Variants in PRPH2 observed in about 807,000 individuals in gnomAD.
PRPH2 encodes the protein peripherin 2.
PRPH2 carries 17 observed loss-of-function variants against 31.3 expected under a neutral mutation model. The ratio of observed to expected loss-of-function variants is 0.54; its 90% CI spans 0.37 to 0.81. The LOEUF (loss-of-function observed/expected upper bound fraction) is 0.81. Ranked by LOEUF, PRPH2 falls within the 40% of genes least tolerant of loss-of-function variation. The probability of loss-of-function intolerance (pLI) is 0.00; values close to 1 mark genes in which losing one functional copy is unlikely to be tolerated. For missense variants in PRPH2, 430 were observed against 439.7 expected, an observed-to-expected ratio of 0.98 and a Z score of 0.20; for synonymous variants, 165 against 184.4, an observed-to-expected ratio of 0.89 and a Z score of 0.85.
chr6:42,714,206 T>A (rs919633301), intron 1 of PRPH2, among the ~76,000 whole-genome samples: 2 of 152,288 alleles, frequency 1.3e-5, no homozygotes. Context: ...CATGGATTAA[T>A]TTTGAAAACA....
intron 1 of PRPH2, among the ~76,000 whole-genome samples, chr6:42,720,401 A>G (rs1761878235): frequency 6.6e-6 from 1 of 151,978 alleles, no homozygotes; most frequent in Admixed American, 6.6e-5. Context: ...CCCTGGCTTC[A>G]TGCCCTCCTC....
chr6:42,706,850 G>C (rs1311331176), intron 1 of PRPH2, among the ~76,000 whole-genome samples: 1 of 152,020 alleles, frequency 6.6e-6, no homozygotes. Flanking sequence ...CCAGAGAGAG[G>C]CTTCATGCAT....
In PRPH2 at chr6:42,698,464, T is replaced by C; in HGVS notation, c.872A>G (p.Asp291Gly). 2 of 1,614,170 alleles carry C rather than the reference T, an allele frequency of 1.2e-6. No homozygotes were observed. The highest frequency in any genetic ancestry group is 8.5e-7 in the Non-Finnish European group (1 of 1,180,022). Residue 291 changes from aspartate (D) to glycine (G), a missense_variant, in exon 3 of 3, where the codon GAT becomes GGT. By Grantham distance (94) the Asp-to-Gly change is moderately conservative. Coordinates refer to ENST00000230381, the MANE Select transcript of PRPH2 (RefSeq NM_000322.5). ...IGLRYLQTSLDGVSNPEESES... is the reference protein window; with the variant it reads ...IGLRYLQTSLGGVSNPEESES... The stretch of plus-strand genomic sequence containing the variant: ...AGATTCCTCGGGGTTGGACACACCA[T>C]CCAGCGACGTCTGTAGGTAGCGCAG...
At chr6:42,707,223 G>A (rs886544705) in intron 1 of PRPH2, among the ~76,000 whole-genome samples, 11 of 152,082 alleles carry the variant, frequency 7.2e-5, no homozygotes, top group African/African-American at 2.4e-4. Context: ...ATCTGTCTGT[G>A]GAGTGTCCTG....
At chr6:42,698,769 T>C (rs975693124) in intron 2 of PRPH2, among the ~76,000 whole-genome samples, 46 of 152,076 alleles carry the variant, frequency 3.0e-4, no homozygotes, top group African/African-American at 1.1e-3. Flanking sequence ...CCATGCCCCC[T>C]ACTTTCTCCC....
Position 42,722,054 on chromosome 6 carries a change from C to T in PRPH2, c.281G>A (p.Trp94Ter), listed in dbSNP as rs2152011008. Residue 94 changes from tryptophan to a stop codon, truncating the protein, a stop_gained, in exon 1 of 3, where the codon TGG (tryptophan) becomes TAG (stop). Transcript: ENST00000230381. LOFTEE classifies it high-confidence loss of function. This position sits in a 1 kb window ranked among gnomAD's most constrained non-coding sequence, Gnocchi z 4.4. Reference protein sequence around the residue: ...DALDPAKYARWKPWLKPYLAI... With the variant: ...DALDPAKYAR ...CAGGTACGGCTTCAGCCAGGGCTTCCATCTGGCATACTTGGCTGGGTCCAG... is the reference window on the plus strand; with the variant it reads ...CAGGTACGGCTTCAGCCAGGGCTTCTATCTGGCATACTTGGCTGGGTCCAG... The T allele has an allele frequency of 6.2e-7, 1 of 1,614,182 alleles. No individual in the cohort carries two copies. Among genetic ancestry groups the T allele is most frequent in the Non-Finnish European group, 8.5e-7 (1 of 1,180,030 alleles).
Position 42,696,850 on chromosome 6 carries a change from G to C in PRPH2, c.*1445C>G, listed in dbSNP as rs1418336225. On this transcript the variant is annotated 3_prime_UTR_variant, in exon 3 of 3. Coordinates refer to ENST00000230381, the MANE Select transcript of PRPH2 (RefSeq NM_000322.5). ...AGGGTGTCCAAACATCTTGGATCTG[G>C]TCTTCTGCTTGGGGGAATTAAGCCC... 2 of 151,752 alleles carry C rather than the reference G, an allele frequency of 1.3e-5. No individual in the cohort carries two copies. The highest frequency in any genetic ancestry group is 4.8e-5 in the African/African-American group (2 of 41,276). The allele number at this position is 151,752 out of a possible 1,614,324, so 9.4% of individuals were successfully genotyped here.
intron 1 of PRPH2, among the ~76,000 whole-genome samples, chr6:42,709,525 G>A (rs1436362780): frequency 1.3e-5 from 2 of 152,186 alleles, no homozygotes; most frequent in East Asian, 1.9e-4. Flanking sequence ...GTGAATAAAT[G>A]CCCCTGCCTT....
intron 1 of PRPH2, among the ~76,000 whole-genome samples, chr6:42,712,664 G>A (rs889520744): frequency 1.2e-4 from 18 of 151,666 alleles, no homozygotes; most frequent in African/African-American, 3.6e-4. Context: ...TGATCCACCC[G>A]CCTCAGCTTC....
In PRPH2 at chr6:42,704,375, C is replaced by A. The variant is rs1247894480; in HGVS notation, c.818G>T (p.Trp273Leu). 3.1e-6 allele frequency: 5 copies of A among 1,608,834 alleles called. No homozygotes were observed. The highest frequency in any genetic ancestry group is 3.4e-5 in the Admixed American group (2 of 59,158). ...TGGCCCAGGGCCTACCTCGAAGAGC[C>A]AAATGAGGAGCGTGACGACACCCAT... ...NSMGVVTLLI[W>L]LFEVTITIGL... The change falls in exon 2 of 3, where the codon TGG becomes TTG. Residue 273 changes from tryptophan to leucine, a missense_variant. Transcript: ENST00000230381.
intron 2 of PRPH2, among the ~76,000 whole-genome samples, 191 bp from the exon 3 acceptor site, chr6:42,698,698 G>T (rs1467332769): frequency 6.6e-6 from 1 of 152,090 alleles, no homozygotes; most frequent in East Asian, 1.9e-4. Flanking sequence ...CTCTTCTCCA[G>T]CCTCATGTCA....
At position 42,722,596 on chromosome 6, in the gene PRPH2, C is replaced by T; in HGVS notation, c.-262G>A. Reference sequence around the variant, plus strand: ...GTTGTTTCTTCAGCGCCCTTCCCAGCCAAGAAGGGGCAGCCTGAACGCTGC... The same window carrying T: ...GTTGTTTCTTCAGCGCCCTTCCCAGTCAAGAAGGGGCAGCCTGAACGCTGC... On this transcript the variant is annotated 5_prime_UTR_variant, in exon 1 of 3. Transcript: ENST00000230381. This position sits in a 1 kb window ranked among gnomAD's most constrained non-coding sequence, Gnocchi z 4.4. 7.3e-7 allele frequency: 1 copy of T among 1,377,146 alleles called. No individual in the cohort carries two copies. Among genetic ancestry groups the T allele is most frequent in the Non-Finnish European group, 9.4e-7 (1 of 1,062,900 alleles). 85.3% of individuals were successfully genotyped at this position (1,377,146 alleles called of 1,614,324 possible). A position where few individuals can be genotyped will look rare whatever the true frequency, so the allele number is the denominator to read the frequency against.
rs777717115 is a variant in PRPH2, at chr6:42,722,286, C to T, written c.49G>A (p.Ala17Thr). ...KFDQKKRVKL[A>T]QGLWLMNWFS... ...CAGTTCATGAGCCAGAGCCCTTGGG[C>T]CAACTTGACCCGCTTCTTCTGGTCA... The change falls in exon 1 of 3, where the codon GCC becomes ACC. Residue 17 changes from alanine (A) to threonine (T), a missense_variant. Physicochemically the swap from Ala to Thr is moderately conservative, Grantham distance 58 (BLOSUM62 0). Transcript: ENST00000230381. This position sits in a 1 kb window ranked among gnomAD's most constrained non-coding sequence, Gnocchi z 4.4. The T allele has an allele frequency of 6.2e-7, 1 of 1,614,026 alleles. No individual in the cohort carries two copies. The highest frequency in any genetic ancestry group is 8.5e-7 in the Non-Finnish European group (1 of 1,180,056).
At chr6:42,719,453 C>T (rs866473430) in intron 1 of PRPH2, among the ~76,000 whole-genome samples, 2 of 151,440 alleles carry the variant, frequency 1.3e-5, no homozygotes, top group African/African-American at 2.4e-5. Context: ...GGATTACAGG[C>T]GTGAGCCACT....
At position 42,721,874 on chromosome 6, in the gene PRPH2, T is replaced by C; in HGVS notation, c.461A>G (p.Lys154Arg). 3 of 1,614,206 alleles carry C rather than the reference T, an allele frequency of 1.9e-6. No homozygotes were observed. Among genetic ancestry groups the C allele is most frequent in the Non-Finnish European group, 2.5e-6 (3 of 1,180,036 alleles). ...TDTPGRCFMK[K>R]TIDMLQIEFK... ...CTCGATCTGCAGCATGTCGATGGTC[T>C]TCTTCATGAAACACCTGCCAGGGGT... The change falls in exon 1 of 3, where the codon AAG (lysine) becomes AGG (arginine). Residue 154 changes from lysine to arginine, a missense_variant. Lys to Arg is a conservative substitution (Grantham distance 26, BLOSUM62 2). Coordinates refer to ENST00000230381, the MANE Select transcript of PRPH2 (RefSeq NM_000322.5).
chr6:42,721,614 C>G (rs557645960), intron 1 of PRPH2, 140 bp downstream of exon 1: 1 of 994,856 alleles, frequency 1.0e-6, no homozygotes, highest in South Asian at 1.3e-5. Context: ...CCTGATACAC[C>G]CTCACATACG....
chr6:42,717,125 T>C (rs1761802845), intron 1 of PRPH2, among the ~76,000 whole-genome samples: 1 of 149,564 alleles, frequency 6.7e-6, no homozygotes, highest in South Asian at 2.1e-4. Flanking sequence ...TTTAAAAAGA[T>C]TTTGTGGCCA....
At chr6:42,710,159 C>T (rs1449204002) in intron 1 of PRPH2, among the ~76,000 whole-genome samples, 1 of 151,970 alleles carries the variant, frequency 6.6e-6, no homozygotes, top group Non-Finnish European at 1.5e-5. Flanking sequence ...GTGTCTCCCC[C>T]TCAGACTGGG....
intron 2 of PRPH2, 99 bp from the exon 3 acceptor site, chr6:42,698,606 G>A: frequency 6.5e-7 from 1 of 1,530,972 alleles, no homozygotes; most frequent in Non-Finnish European, 8.8e-7. Flanking sequence ...GTCCCAGAGA[G>A]GACTCAACCT....
Sources: allele counts gnomAD v4.1 joint callset (sites outside exome capture counted in the v4.1 genomes callset), GRCh38; gene constraint gnomAD v4.1.1; non-coding constraint Gnocchi (gnomAD v3.1); transcripts MANE v1.5; gene names NCBI Gene and HGNC (gene_info 2026-07-23, HGNC 2026-07-21).